Variants in ZNF418 observed in about 807,000 individuals in gnomAD.
ZNF418 encodes the protein zinc finger protein 418.
ZNF418 carries 32 observed loss-of-function variants against 32.0 expected under a neutral mutation model. The ratio of observed to expected loss-of-function variants is 1.00; its 90% CI spans 0.75 to 1.34. ZNF418 has a LOEUF of 1.34. Ranked by LOEUF, ZNF418 falls within the 40% of genes most tolerant of loss-of-function variation. The probability of loss-of-function intolerance (pLI) is 0.00; values close to 1 mark genes in which losing one functional copy is unlikely to be tolerated. For missense variants in ZNF418, 804 were observed against 812.5 expected, an observed-to-expected ratio of 0.99 and a Z score of 0.13; for synonymous variants, 276 against 270.7, an observed-to-expected ratio of 1.02 and a Z score of -0.19.
chr19:57,934,994 C>G (rs1187773287), intron 1 of ZNF418, 167 bp downstream of exon 1: 2 of 1,428,726 alleles, frequency 1.4e-6, no homozygotes. Context: ...GCCTGTCGCT[C>G]TCCCCACCGC....
chr19:57,926,697 G>C lies in ZNF418; in HGVS notation c.1484C>G (p.Ser495Cys), dbSNP rs1288332112. The C allele has an allele frequency of 6.2e-7, 1 of 1,613,944 alleles. No individual in the cohort carries two copies. ...AACTCTCTGATGAACACGAAACCCAGAGCTGTCTTGAAATGATTTCCCACA... is the reference window on the plus strand; with the variant it reads ...AACTCTCTGATGAACACGAAACCCACAGCTGTCTTGAAATGATTTCCCACA... ...NECGKSFQDS[S>C]GFRVHQRVHT... The change falls in exon 4 of 6, where the codon TCT (serine) becomes TGT (cysteine). Residue 495 changes from serine to cysteine, a missense_variant. Transcript: ENST00000396147.
chr19:57,935,130 G>A, intron 1 of ZNF418, 31 bp downstream of exon 1: 3 of 1,303,644 alleles, frequency 2.3e-6, no homozygotes, highest in South Asian at 1.5e-5. Flanking sequence ...GTTAGGATGA[G>A]GTGACCTGAG....
chr19:57,927,931 A>T lies in ZNF418; in HGVS notation c.250T>A (p.Cys84Ser). The change falls in exon 4 of 6, where the codon TGT becomes AGT. Residue 84 changes from cysteine (C) to serine (S), a missense_variant. Coordinates refer to ENST00000396147, the MANE Select transcript of ZNF418 (RefSeq NM_133460.3). Reference sequence around the variant, plus strand: ...CCCAAGATCGCGCCACACATTTCACAAGAGTGGGCCTTCTTGGGAGACACA... The same window carrying T: ...CCCAAGATCGCGCCACACATTTCACTAGAGTGGGCCTTCTTGGGAGACACA... ...AGVSPKKAHS[C>S]EMCGAILGDI... The T allele has an allele frequency of 6.2e-7, 1 of 1,614,016 alleles. No homozygotes were observed. Among genetic ancestry groups the T allele is most frequent in the Non-Finnish European group, 8.5e-7 (1 of 1,179,978 alleles).
At chr19:57,923,551 CACACACACACACACAT>C (rs982928372) in intron 4 of ZNF418, among the ~76,000 whole-genome samples, 1 of 145,800 alleles carries the variant, frequency 6.9e-6, no homozygotes, top group African/African-American at 2.5e-5. Context: ...CACACACACA[CACACACACACACACAT>C]ATATACACAT....
chr19:57,930,400 G>A (rs747482679), intron 3 of ZNF418, 28 bp downstream of exon 3: 8 of 1,613,858 alleles, frequency 5.0e-6, no homozygotes, highest in South Asian at 4.4e-5. Context: ...ATCTATTCAG[G>A]AAATAGGGTA....
At position 57,926,432 on chromosome 19, in the gene ZNF418, T is replaced by C. The variant is rs367801858; in HGVS notation, c.1749A>G (p.Arg583=). ...KFFSSLLEHR[R]VHTGERPYEC... ...CATAAGGCCTTTCTCCAGTGTGAAC[T>C]CTCCTGTGTTCAAGGAGACTGGAGA... Residue 583 remains arginine, a synonymous_variant, in exon 4 of 6, where the codon AGA becomes AGG. Coordinates refer to ENST00000396147, the MANE Select transcript of ZNF418 (RefSeq NM_133460.3). The C allele has an allele frequency of 1.9e-5, 30 of 1,614,054 alleles. No homozygotes were observed. The highest frequency in any genetic ancestry group is 2.5e-5 in the Non-Finnish European group (29 of 1,180,030).
chr19:57,933,571 A>C (rs544459845), intron 2 of ZNF418, among the ~76,000 whole-genome samples: 71 of 152,262 alleles, frequency 4.7e-4, no homozygotes, highest in African/African-American at 1.6e-3. Flanking sequence ...AATCCAAAAA[A>C]TTAGCTGAGC....
rs772307561 is a variant in ZNF418, at chr19:57,933,865, A to C, written c.-43T>G. 4 of 1,613,898 alleles carry C rather than the reference A, an allele frequency of 2.5e-6. No individual in the cohort carries two copies. In the African/African-American group the frequency reaches 5.3e-5, roughly 22 times the overall value. On this transcript the variant is annotated 5_prime_UTR_variant, in exon 2 of 6. Coordinates refer to ENST00000396147, the MANE Select transcript of ZNF418 (RefSeq NM_133460.3). ...CTCTGATCCTCCTTCCTCCTCCCTC[A>C]AACACAGTGTGTTCTCTTCTTTGCA...
At chr19:57,930,006 G>C (rs916492608) in intron 3 of ZNF418, among the ~76,000 whole-genome samples, 1 of 152,148 alleles carries the variant, frequency 6.6e-6, no homozygotes, top group African/African-American at 2.4e-5. Context: ...TTCTAAGGAG[G>C]GTCTTGCCTT....
In ZNF418 at chr19:57,928,043, A is replaced by G. The variant is rs1381026250; in HGVS notation, c.138T>C (p.Cys46=). 1 of 1,527,304 alleles carries G rather than the reference A, an allele frequency of 6.5e-7. No homozygotes were observed. The allele number at this position is 1,527,304 out of a possible 1,614,324, so 94.6% of individuals were successfully genotyped here. A position where few individuals can be genotyped will look rare whatever the true frequency, so the allele number is the denominator to read the frequency against. The stretch of plus-strand genomic sequence containing the variant: ...CCTCCTCATCTTCTGATCCACACCA[A>G]CAACCTGAAAGCAAGAAAATGCTGA... ...ENWVLISSLG[C]WCGSEDEEAP... Residue 46 remains cysteine, a synonymous_variant, in exon 4 of 6, where the codon TGT becomes TGC. Transcript: ENST00000396147.
At chr19:57,930,334 G>A (rs2072433060) in intron 3 of ZNF418, 94 bp downstream of exon 3, 11 of 1,581,364 alleles carry the variant, frequency 7.0e-6, no homozygotes, top group African/African-American at 2.7e-5. Flanking sequence ...CTGTGCCCAT[G>A]GTCCTGACAT....
At chr19:57,929,070 G>A (rs1038710342) in intron 3 of ZNF418, among the ~76,000 whole-genome samples, 10 of 152,118 alleles carry the variant, frequency 6.6e-5, no homozygotes, top group African/African-American at 2.4e-4. Context: ...GCCAGTATCG[G>A]ACAGCACTCT....
intron 4 of ZNF418, among the ~76,000 whole-genome samples, 172 bp from the exon 5 acceptor site, chr19:57,923,461 T>C (rs1261434986): frequency 2.0e-5 from 3 of 151,148 alleles, no homozygotes; most frequent in Non-Finnish European, 4.4e-5. Flanking sequence ...CACACATATA[T>C]ATACATATAT....
In ZNF418 at chr19:57,926,478, C is replaced by A; in HGVS notation, c.1703G>T (p.Cys568Phe). 1 of 1,614,074 alleles carries A rather than the reference C, an allele frequency of 6.2e-7. No individual in the cohort carries two copies. The highest frequency in any genetic ancestry group is 8.5e-7 in the Non-Finnish European group (1 of 1,180,022). Residue 568 changes from cysteine (C) to phenylalanine (F), a missense_variant, in exon 4 of 6, where the codon TGC becomes TTC. Physicochemically the swap from Cys to Phe is radical, Grantham distance 205. This residue lies in a region of ZNF418 where 475 missense variants were observed against 458.6 expected (regional missense o/e 1.04). Transcript: ENST00000396147. ...GGAGAAGAATTTCCCACATTCTCTGCACTCATAAGGTCTTTCTGCAGTGTG... is the reference window on the plus strand; with the variant it reads ...GGAGAAGAATTTCCCACATTCTCTGAACTCATAAGGTCTTTCTGCAGTGTG... Reference protein sequence around the residue: ...KTHTAERPYECRECGKFFSSL... With the variant: ...KTHTAERPYEFRECGKFFSSL...
At chr19:57,933,278 T>C (rs1364706754) in intron 2 of ZNF418, among the ~76,000 whole-genome samples, 1 of 152,160 alleles carries the variant, frequency 6.6e-6, no homozygotes, top group Non-Finnish European at 1.5e-5. Context: ...CCTCACAGTC[T>C]ATTAGAAAAT....
At chr19:57,934,947 G>T in intron 1 of ZNF418, 1 of 1,282,150 alleles carries the variant, frequency 7.8e-7, no homozygotes, top group Non-Finnish European at 1.0e-6. Flanking sequence ...ATCCTCCCGG[G>T]TCTGTCCTCC....
At position 57,931,651 on chromosome 19, in the gene ZNF418, G is replaced by A. The variant is rs1380539407; in HGVS notation, c.7-1097C>T. Among the ~76,000 whole-genome samples, 3 of 152,310 alleles carry A rather than the reference G, an allele frequency of 2.0e-5. No individual in the cohort carries two copies. The East Asian group carries it at 5.8e-4, about 29-fold the overall frequency. On this transcript the variant is annotated intron_variant, in intron 2 of 5. Transcript: ENST00000396147. ...TCCTTTGGTCGCCTAAGCTGGAGGG[G>A]AGTAGTGTGATCATGGCTCATGGAA...
At chr19:57,931,162 T>C (rs1054866148) in intron 2 of ZNF418, among the ~76,000 whole-genome samples, 6 of 152,088 alleles carry the variant, frequency 3.9e-5, no homozygotes, top group African/African-American at 9.7e-5. Context: ...CCCAGTGCAG[T>C]TGCCTGGGTC....
At chr19:57,924,447 A>T (rs1047377716) in intron 4 of ZNF418, among the ~76,000 whole-genome samples, 2 of 152,168 alleles carry the variant, frequency 1.3e-5, no homozygotes, top group Non-Finnish European at 2.9e-5. Flanking sequence ...ATTTCCTTTG[A>T]CAATGGCCTC....
Sources: gnomAD v4.1 joint callset for allele counts (sites outside exome capture counted in the v4.1 genomes callset) on GRCh38, gnomAD v4.1.1 for gene constraint, gnomAD v4.1.1 regional missense constraint, MANE v1.5 for transcripts, NCBI Gene and HGNC (gene_info 2026-07-23, HGNC 2026-07-21) for gene names.